LYRM7: variants seen among roughly 807,000 people sequenced by gnomAD.
LYRM7 encodes complex III assembly factor LYRM7.
In LYRM7, 9 loss-of-function variants were observed where a neutral mutation model predicts 15.8. The observed-to-expected ratio is 0.57, with a 90% CI of 0.34 to 0.99. The LOEUF (loss-of-function observed/expected upper bound fraction) is 0.99, where lower values mean the gene tolerates loss of function less well. Ranked by LOEUF, LYRM7 falls within the 50% of genes least tolerant of loss-of-function variation. The pLI is 0.02. For synonymous variants in LYRM7, 39 were observed against 39.4 expected, an observed-to-expected ratio of 0.99 and a Z score of 0.04; for missense variants, 115 against 119.1, an observed-to-expected ratio of 0.97 and a Z score of 0.16.
At chr5:131,177,195 C>T (rs981359491) in intron 1 of LYRM7, among the ~76,000 whole-genome samples, 3 of 152,172 alleles carry the variant, frequency 2.0e-5, no homozygotes, top group Non-Finnish European at 4.4e-5. Flanking sequence ...CTACCAGTTT[C>T]ATTTTTCCTT....
intron 4 of LYRM7, among the ~76,000 whole-genome samples, chr5:131,194,712 A>C (rs891237301): frequency 6.6e-6 from 1 of 152,170 alleles, no homozygotes; most frequent in African/African-American, 2.4e-5. Flanking sequence ...CTTGTGTTCC[A>C]TGAGGGTAAA....
In LYRM7 at chr5:131,181,349, T is replaced by TTA. The variant is rs545785759; in HGVS notation, c.92-870_92-869dup. Among the ~76,000 whole-genome samples, 16 of 42,126 alleles carry TTA rather than the reference T, an allele frequency of 3.8e-4. 1 individual carries two copies. The highest frequency in any genetic ancestry group is 1.2e-3 in the African/African-American group (8 of 6,416). 27.6% of individuals were successfully genotyped at this position (42,126 alleles called of 152,430 possible). A position where few individuals can be genotyped will look rare whatever the true frequency, so the allele number is the denominator to read the frequency against. On this transcript the variant is annotated intron_variant, in intron 2 of 4. Transcript: ENST00000379380. ...CACACACATATATATAACATATATG[T>TTA]TATATATATATTAACATATATATGT...
chr5:131,178,565 CT>C (rs1372917158), intron 1 of LYRM7, among the ~76,000 whole-genome samples: 1 of 152,154 alleles, frequency 6.6e-6, no homozygotes, highest in African/African-American at 2.4e-5. Flanking sequence ...TCTTCACAAT[CT>C]GTCTTTTACC....
intron 4 of LYRM7, among the ~76,000 whole-genome samples, chr5:131,189,593 A>C (rs527753007): frequency 1.4e-3 from 208 of 152,210 alleles, no homozygotes; most frequent in African/African-American, 4.6e-3. Context: ...TGATCCAGCA[A>C]CACTTATTGA....
chr5:131,182,913 G>C (rs1755736589), intron 3 of LYRM7, among the ~76,000 whole-genome samples: 2 of 151,908 alleles, frequency 1.3e-5, no homozygotes, highest in African/African-American at 4.8e-5. Context: ...AGCTTCCTAT[G>C]TCTAACTATA....
intron 4 of LYRM7, among the ~76,000 whole-genome samples, chr5:131,194,022 A>G (rs1171431349): frequency 6.6e-6 from 1 of 152,030 alleles, no homozygotes; most frequent in East Asian, 1.9e-4. Flanking sequence ...AAAAAAAAAG[A>G]AATTGCTTTT....
Position 131,183,190 on chromosome 5 carries a change from C to T in LYRM7, c.162+891C>T, listed in dbSNP as rs558964940. Among the ~76,000 whole-genome samples the T allele has an allele frequency of 2.0e-5, 3 of 152,020 alleles. No homozygotes were observed. The South Asian group carries it at 6.2e-4, about 32-fold the overall frequency. ...AATGCTATTTTTGAAATAGTAAATA[C>T]CTTTAATAATGGAGCTCATGAGACA... On this transcript the variant is annotated intron_variant, in intron 3 of 4. Transcript: ENST00000379380.
At chr5:131,175,522 T>G (rs765061700) in intron 1 of LYRM7, among the ~76,000 whole-genome samples, 1 of 151,304 alleles carries the variant, frequency 6.6e-6, no homozygotes, top group Non-Finnish European at 1.5e-5. Flanking sequence ...TTGGGTGTGT[T>G]TGTTTGTTTT....
intron 4 of LYRM7, among the ~76,000 whole-genome samples, chr5:131,196,332 T>C (rs1026251647): frequency 6.6e-6 from 1 of 152,036 alleles, no homozygotes; most frequent in Admixed American, 6.6e-5. Context: ...TGTTCTTTTT[T>C]ACTAACTGAG....
intron 2 of LYRM7, among the ~76,000 whole-genome samples, chr5:131,181,700 A>G (rs1755716620): frequency 6.6e-6 from 1 of 151,746 alleles, no homozygotes; most frequent in African/African-American, 2.4e-5. Flanking sequence ...TGCTGCTATA[A>G]TGATATCAAA....
rs1182057090 is a variant in LYRM7 at position 131,201,063 on chromosome 5, T to C, written c.*1462T>C. 1 of 152,034 alleles carries C rather than the reference T, an allele frequency of 6.6e-6. No homozygotes were observed. Among genetic ancestry groups the C allele is most frequent in the Non-Finnish European group, 1.5e-5 (1 of 68,014 alleles). The allele number at this position is 152,034 out of a possible 1,614,324, so 9.4% of individuals were successfully genotyped here. A position where few individuals can be genotyped will look rare whatever the true frequency, so the allele number is the denominator to read the frequency against. The stretch of plus-strand genomic sequence containing the variant: ...CGGGCGCTGTGGCTCACACCTGTAA[T>C]CCCGCACTTTGGGAGGCTGAGGCGG... On this transcript the variant is annotated 3_prime_UTR_variant, in exon 5 of 5. Coordinates refer to ENST00000379380, the MANE Select transcript of LYRM7 (RefSeq NM_181705.4).
At chr5:131,193,011 C>T (rs535952772) in intron 4 of LYRM7, among the ~76,000 whole-genome samples, 9 of 152,084 alleles carry the variant, frequency 5.9e-5, no homozygotes, top group African/African-American at 1.2e-4. Context: ...TTATTTTTTA[C>T]GGTACTTAGT....
chr5:131,187,160 A>AT (rs1368981806), intron 4 of LYRM7, 51 bp downstream of exon 4: 2 of 1,020,472 alleles, frequency 2.0e-6, no homozygotes, highest in Non-Finnish European at 3.0e-6. Context: ...GTTTTAAAAT[A>AT]TTGAATAATT....
At chr5:131,188,278 G>A (rs1435052220) in intron 4 of LYRM7, among the ~76,000 whole-genome samples, 2 of 151,810 alleles carry the variant, frequency 1.3e-5, no homozygotes, top group African/African-American at 2.4e-5. Context: ...ATATTGAAAG[G>A]CTTTGTTTTT....
chr5:131,187,346 A>G (rs370876280), intron 4 of LYRM7, among the ~76,000 whole-genome samples: 2 of 152,304 alleles, frequency 1.3e-5, no homozygotes, highest in Middle Eastern at 3.4e-3. Context: ...AACACTAATT[A>G]TGAAGACAGT....
chr5:131,196,823 A>G (rs970241563), intron 4 of LYRM7, among the ~76,000 whole-genome samples: 1 of 151,618 alleles, frequency 6.6e-6, no homozygotes, highest in African/African-American at 2.4e-5. Context: ...ACGCCCAGCT[A>G]ATTTTTGTAT....
chr5:131,181,358 TATTAACATATATATGTATATATA>T lies in LYRM7; in HGVS notation c.92-868_92-846del, dbSNP rs1239471833. Among the ~76,000 whole-genome samples the T allele has an allele frequency of 2.0e-4, 7 of 35,612 alleles. No homozygotes were observed. In the East Asian group the frequency reaches 2.0e-3, roughly 10 times the overall value. The allele number at this position is 35,612 out of a possible 152,430, so 23.4% of individuals were successfully genotyped here. On this transcript the variant is annotated intron_variant, in intron 2 of 4. Coordinates refer to ENST00000379380, the MANE Select transcript of LYRM7 (RefSeq NM_181705.4). ...ATATATAACATATATGTTATATATATATTAACATATATATGTATATATAATATATACATATATATTATATATAC... is the reference window on the plus strand; with the variant it reads ...ATATATAACATATATGTTATATATATATATATACATATATATTATATATAC...
In LYRM7 at chr5:131,192,014, TA is replaced by T. The variant is rs200868272; in HGVS notation, c.244+4913del. ...ACCTAAGAATCCAGTGACAGTTGAT[TA>T]AAAAAAATGTGGTGCATACACACAC... On this transcript the variant is annotated intron_variant, in intron 4 of 4. Coordinates refer to ENST00000379380, the MANE Select transcript of LYRM7 (RefSeq NM_181705.4). Among the ~76,000 whole-genome samples, 445 of 132,418 alleles carry T rather than the reference TA, an allele frequency of 3.4e-3. 3 individuals are homozygous for T. Among genetic ancestry groups the T allele is most frequent in the African/African-American group, 0.011 (415 of 37,202 alleles). 86.9% of individuals were successfully genotyped at this position (132,418 alleles called of 152,430 possible).
chr5:131,192,806 C>T (rs190340210), intron 4 of LYRM7, among the ~76,000 whole-genome samples: 17 of 152,190 alleles, frequency 1.1e-4, no homozygotes, highest in Non-Finnish European at 2.2e-4. Flanking sequence ...TAGCCTTTAA[C>T]TATGAGTTAG....
Sources: gnomAD v4.1 joint callset for allele counts (sites outside exome capture counted in the v4.1 genomes callset) on GRCh38, gnomAD v4.1.1 for gene constraint, MANE v1.5 for transcripts, NCBI Gene and HGNC (gene_info 2026-07-23, HGNC 2026-07-21) for gene names.